Variants in MEGF9 observed in about 807,000 individuals in gnomAD.
MEGF9 encodes multiple epidermal growth factor-like domains protein 9.
A neutral mutation model predicts 46.8 loss-of-function variants in MEGF9; 6 were observed. That is an observed-to-expected ratio of 0.13 (90% CI 0.07 to 0.25). The LOEUF (loss-of-function observed/expected upper bound fraction) is 0.25, where lower values mean the gene tolerates loss of function less well. Ranked by LOEUF, MEGF9 falls within the 10% of genes least tolerant of loss-of-function variation. The pLI is 1.00. For missense variants in MEGF9, 683 were observed against 792.4 expected (o/e 0.86, Z 1.66); for synonymous variants, 302 against 330.7 (o/e 0.91, Z 0.94).
At chr9:120,627,182 T>C (rs571559348) in intron 2 of MEGF9, among the ~76,000 whole-genome samples, 3 of 152,114 alleles carry the variant, frequency 2.0e-5, no homozygotes, top group African/African-American at 7.2e-5. Context: ...AGAAACAGTT[T>C]TGGGGGAAAA....
Position 120,713,994 on chromosome 9 carries a change from G to T in MEGF9, c.365C>A (p.Pro122His). ...SSTTFQAPLGPSPTTPPAAER... is the reference protein window; with the variant it reads ...SSTTFQAPLGHSPTTPPAAER... Reference sequence around the variant, plus strand: ...CGCCGCCGGAGGGGTGGTCGGCGAGGGGCCGAGCGGCGCCTGAAAGGTGGT... The same window carrying T: ...CGCCGCCGGAGGGGTGGTCGGCGAGTGGCCGAGCGGCGCCTGAAAGGTGGT... Residue 122 changes from proline (P) to histidine (H), a missense_variant, in exon 1 of 6, where the codon CCC becomes CAC. By Grantham distance (77) the Pro-to-His change is moderately conservative. Coordinates refer to ENST00000373930, the MANE Select transcript of MEGF9 (RefSeq NM_001080497.3). 7.2e-7 allele frequency: 1 copy of T among 1,387,610 alleles called. No homozygotes were observed. Among genetic ancestry groups the T allele is most frequent in the Non-Finnish European group, 9.4e-7 (1 of 1,065,880 alleles). 86.0% of individuals were successfully genotyped at this position (1,387,610 alleles called of 1,614,324 possible).
chr9:120,613,053 T>C (rs2043456062), intron 3 of MEGF9, among the ~76,000 whole-genome samples: 1 of 152,026 alleles, frequency 6.6e-6, no homozygotes. Flanking sequence ...CCCAGGCTGA[T>C]ACTGAACTCT....
At chr9:120,685,418 A>G (rs750122091) in intron 1 of MEGF9, among the ~76,000 whole-genome samples, 2 of 152,248 alleles carry the variant, frequency 1.3e-5, no homozygotes, top group African/African-American at 2.4e-5. Flanking sequence ...CAAAAAAGAA[A>G]TAATTTGGCT....
chr9:120,605,455 AT>A lies in MEGF9; in HGVS notation c.1543del (p.Ile515SerfsTer4). ...LADVSWTQFN[I>X]IILTVIIIVV... is the part of the protein sequence containing the mutation. ...AATGATGATGACTGTCAAAATGATG[AT>A]GTTAAATTGGGTCCATGATACATCA... On this transcript the variant is annotated frameshift_variant, in exon 6 of 6. Transcript: ENST00000373930. LOFTEE classifies it high-confidence loss of function. The surrounding 1 kb of genome is among the most constrained non-coding windows in gnomAD (Gnocchi z 4.0). 1 of 1,614,040 alleles carries A rather than the reference AT, an allele frequency of 6.2e-7. No individual in the cohort carries two copies.
At chr9:120,614,029 T>C (rs2043460491) in intron 3 of MEGF9, among the ~76,000 whole-genome samples, 1 of 152,012 alleles carries the variant, frequency 6.6e-6, no homozygotes, top group Admixed American at 6.6e-5. Flanking sequence ...TTTTTTTTTT[T>C]TTCTTTTGAG....
intron 1 of MEGF9, among the ~76,000 whole-genome samples, chr9:120,699,414 T>C (rs1264721448): frequency 6.6e-6 from 1 of 152,116 alleles, no homozygotes; most frequent in Non-Finnish European, 1.5e-5. Flanking sequence ...ACATAGATTA[T>C]TTTTATAATT....
chr9:120,672,225 A>G (rs1056456037), intron 1 of MEGF9, among the ~76,000 whole-genome samples: 23 of 152,132 alleles, frequency 1.5e-4, no homozygotes, highest in Non-Finnish European at 3.1e-4. Flanking sequence ...CTCCTATTCA[A>G]AATCATATTA....
intron 2 of MEGF9, 66 bp from the exon 3 acceptor site, chr9:120,622,821 C>A: frequency 1.3e-6 from 2 of 1,540,158 alleles, no homozygotes; most frequent in South Asian, 2.3e-5. Flanking sequence ...GAGTAACACC[C>A]CAGAAGGGAA....
At chr9:120,652,705 T>C (rs2043659240) in intron 2 of MEGF9, among the ~76,000 whole-genome samples, 2 of 152,016 alleles carry the variant, frequency 1.3e-5, no homozygotes, top group South Asian at 4.1e-4. Context: ...ATAGGGGACA[T>C]GTGGTTTTTA....
chr9:120,612,549 G>A lies in MEGF9; in HGVS notation c.944-10C>T, dbSNP rs1180624903. 1.9e-6 allele frequency: 3 copies of A among 1,589,890 alleles called. No homozygotes were observed. Among genetic ancestry groups the A allele is most frequent in the Non-Finnish European group, 2.6e-6 (3 of 1,170,466 alleles). ...CAGTTTAAACAAGCACCTAAAAGAA[G>A]CAAATTATTTTTAAAAGTTAAAGAT... On this transcript the variant is annotated splice_polypyrimidine_tract_variant and intron_variant, in intron 3 of 5. Coordinates refer to ENST00000373930, the MANE Select transcript of MEGF9 (RefSeq NM_001080497.3).
chr9:120,611,864 A>AGG (rs1564411701), intron 4 of MEGF9, among the ~76,000 whole-genome samples: 7 of 124,902 alleles, frequency 5.6e-5, no homozygotes, highest in African/African-American at 2.1e-4. Context: ...AGGAAGGAAG[A>AGG]AAGAGAGAGA....
chr9:120,685,393 TG>T (rs2043817650), intron 1 of MEGF9, among the ~76,000 whole-genome samples: 1 of 152,172 alleles, frequency 6.6e-6, no homozygotes, highest in African/African-American at 2.4e-5. Flanking sequence ...CAGAGACCAA[TG>T]GTCAATAATA....
intron 2 of MEGF9, among the ~76,000 whole-genome samples, chr9:120,645,124 A>G (rs2043619946): frequency 1.3e-5 from 2 of 151,924 alleles, no homozygotes; most frequent in African/African-American, 4.8e-5. Flanking sequence ...GTTTAACAAG[A>G]CTCTTTATAT....
intron 4 of MEGF9, among the ~76,000 whole-genome samples, chr9:120,608,699 T>C (rs2043430978): frequency 6.6e-6 from 1 of 152,192 alleles, no homozygotes; most frequent in Non-Finnish European, 1.5e-5. Context: ...TACAACACTG[T>C]CCTCAGTATC....
Position 120,690,662 on chromosome 9 carries a change from G to T in MEGF9, c.601+23096C>A, listed in dbSNP as rs183923543. 3.3e-5 allele frequency among the ~76,000 whole-genome samples: 5 copies of T among 152,242 alleles called. No individual in the cohort carries two copies. In the East Asian group the frequency reaches 5.8e-4, roughly 18 times the overall value. ...CAACCAATATCCTGGAATTTGAAAAGAACTTTTTATAATGAAAAGTTCCAC... is the reference window on the plus strand; with the variant it reads ...CAACCAATATCCTGGAATTTGAAAATAACTTTTTATAATGAAAAGTTCCAC... On this transcript the variant is annotated intron_variant, in intron 1 of 5. Transcript: ENST00000373930.
intron 1 of MEGF9, among the ~76,000 whole-genome samples, chr9:120,698,642 T>C (rs1222245778): frequency 1.3e-5 from 2 of 152,260 alleles, no homozygotes; most frequent in Non-Finnish European, 2.9e-5. Flanking sequence ...CACTGCTGTC[T>C]TTGAAAAATC....
At chr9:120,712,363 G>A (rs1397994717) in intron 1 of MEGF9, among the ~76,000 whole-genome samples, 6 of 152,200 alleles carry the variant, frequency 3.9e-5, no homozygotes, top group African/African-American at 1.4e-4. Context: ...AGTCCAAAGA[G>A]CTTCAGTGAG....
intron 1 of MEGF9, among the ~76,000 whole-genome samples, chr9:120,694,269 T>C (rs1158164148): frequency 1.3e-5 from 2 of 152,238 alleles, no homozygotes; most frequent in Non-Finnish European, 2.9e-5. Flanking sequence ...AGCACTTGGC[T>C]GTGACCTTTG....
intron 2 of MEGF9, among the ~76,000 whole-genome samples, chr9:120,640,086 T>A (rs2043595627): frequency 6.6e-6 from 1 of 152,198 alleles, no homozygotes; most frequent in African/African-American, 2.4e-5. Flanking sequence ...CTCTCCAATG[T>A]TTCTGTATAA....
Sources: allele counts gnomAD v4.1 joint callset (sites outside exome capture counted in the v4.1 genomes callset), GRCh38; gene constraint gnomAD v4.1.1; non-coding constraint Gnocchi (gnomAD v3.1); transcripts MANE v1.5; gene names NCBI Gene and HGNC (gene_info 2026-07-23, HGNC 2026-07-21).